The following GALNT9 variants were observed in gnomAD, a reference collection of about 807,000 sequenced individuals.
GALNT9 encodes polypeptide N-acetylgalactosaminyltransferase 9, also known as GalNAc transferase 9.
GALNT9 carries 47 observed loss-of-function variants against 63.1 expected under a neutral mutation model. The ratio of observed to expected loss-of-function variants is 0.75; its 90% CI spans 0.59 to 0.95. The LOEUF (loss-of-function observed/expected upper bound fraction) is 0.95. GALNT9 is among the 40% of genes least tolerant of loss of function. The probability of loss-of-function intolerance (pLI) is 0.00; values close to 1 mark genes in which losing one functional copy is unlikely to be tolerated. For synonymous variants in GALNT9, 396 were observed against 365.7 expected (o/e 1.08, Z -0.94); for missense variants, 829 against 874.8 (o/e 0.95, Z 0.66).
Position 132,210,033 on chromosome 12 carries a change from C to A in GALNT9, c.1078-6343G>T, listed in dbSNP as rs73166851. On this transcript the variant is annotated intron_variant, in intron 6 of 10. Transcript: ENST00000328957. ...CTCTCTTGGGGTCTGGATGGGGACCCCTTTCTGGTCACACGAGGAAGACAC... is the reference window on the plus strand; with the variant it reads ...CTCTCTTGGGGTCTGGATGGGGACCACTTTCTGGTCACACGAGGAAGACAC... Among the ~76,000 whole-genome samples, 385 of 152,298 alleles carry A rather than the reference C, an allele frequency of 2.5e-3. 2 individuals are homozygous for A. The highest frequency in any genetic ancestry group is 8.8e-3 in the African/African-American group (364 of 41,556).
intron 1 of GALNT9, among the ~76,000 whole-genome samples, chr12:132,299,916 G>A (rs1426599828): frequency 7.2e-6 from 1 of 138,772 alleles, no homozygotes; most frequent in African/African-American, 2.7e-5. Context: ...CCATCCCTGA[G>A]ATAACCAAGC....
At chr12:132,268,097 A>G (rs908082662) in intron 2 of GALNT9, among the ~76,000 whole-genome samples, 4 of 144,214 alleles carry the variant, frequency 2.8e-5, no homozygotes, top group African/African-American at 1.2e-4. Flanking sequence ...ACAAACCCAC[A>G]CGCGCACTCA....
At chr12:132,300,365 A>T (rs1285258380) in intron 1 of GALNT9, among the ~76,000 whole-genome samples, 1,716 of 126,548 alleles carry the variant, frequency 0.014, 78 homozygotes, top group African/African-American at 0.054. Context: ...CCCATCCCTG[A>T]GATGACCAAG....
chr12:132,305,123 A>G (rs1395696364), intron 1 of GALNT9, among the ~76,000 whole-genome samples: 4 of 67,250 alleles, frequency 5.9e-5, no homozygotes, highest in Non-Finnish European at 1.0e-4. Flanking sequence ...ACACGCCCTC[A>G]CCCGGGCACA....
At position 132,203,609 on chromosome 12, in the gene GALNT9, T is replaced by G. The variant is rs372708251; in HGVS notation, c.1159A>C (p.Asn387His). The G allele has an allele frequency of 6.2e-7, 1 of 1,613,698 alleles. No homozygotes were observed. The highest frequency in any genetic ancestry group is 1.7e-5 in the Admixed American group (1 of 60,002). Residue 387 changes from asparagine (N) to histidine (H), a missense_variant, in exon 7 of 11, where the codon AAC becomes CAC. By Grantham distance (68) the Asn-to-His change is moderately conservative. Coordinates refer to ENST00000328957, the MANE Select transcript of GALNT9 (RefSeq NM_001122636.2). ...HIERTRKPYN[N>H]DIDYYAKRNA... ...CGCTTGGCATAGTAGTCAATGTCGT[T>G]GTTGTAGGGCTTCCTGGTGCGCTCG...
chr12:132,239,783 G>C (rs1878173045), intron 6 of GALNT9, among the ~76,000 whole-genome samples: 1 of 152,090 alleles, frequency 6.6e-6, no homozygotes, highest in Non-Finnish European at 1.5e-5. Context: ...GAGACTGGGA[G>C]GCAGAGACAG....
At position 132,197,309 on chromosome 12, in the gene GALNT9, C is replaced by T. The variant is rs1301020849; in HGVS notation, c.1666-56G>A. On this transcript the variant is annotated intron_variant, in intron 10 of 10. Coordinates refer to ENST00000328957, the MANE Select transcript of GALNT9 (RefSeq NM_001122636.2). Reference sequence around the variant, plus strand: ...GTGCAGGCGTCCTTGTTCCCCCTCCCCCCACCTCAGGGAGGCTGCTTCGTG... The same window carrying T: ...GTGCAGGCGTCCTTGTTCCCCCTCCTCCCACCTCAGGGAGGCTGCTTCGTG... 2.5e-6 allele frequency: 4 copies of T among 1,591,900 alleles called. No homozygotes were observed. The African/African-American group carries it at 4.0e-5, about 16-fold the overall frequency.
intron 2 of GALNT9, among the ~76,000 whole-genome samples, chr12:132,263,121 A>T (rs560391034): frequency 6.6e-6 from 1 of 152,068 alleles, no homozygotes; most frequent in Non-Finnish European, 1.5e-5. Context: ...GCTGCTGGGC[A>T]CAGCCGAGGA....
Position 132,257,669 on chromosome 12 carries a change from C to A in GALNT9, c.959+20G>T. On this transcript the variant is annotated intron_variant, in intron 5 of 10. Transcript: ENST00000328957. ...CCTTGCCGGGCAGGGCCGCCCTCGACCCCTGAGGGCGCAGCTCACCTGATG... is the reference window on the plus strand; with the variant it reads ...CCTTGCCGGGCAGGGCCGCCCTCGAACCCTGAGGGCGCAGCTCACCTGATG... 6.5e-7 allele frequency: 1 copy of A among 1,533,314 alleles called. No homozygotes were observed. Among genetic ancestry groups the A allele is most frequent in the African/African-American group, 1.4e-5 (1 of 72,824 alleles). The allele number at this position is 1,533,314 out of a possible 1,614,324, so 95.0% of individuals were successfully genotyped here. A position where few individuals can be genotyped will look rare whatever the true frequency, so the allele number is the denominator to read the frequency against.
chr12:132,197,248 G>A lies in GALNT9; in HGVS notation c.1671C>T (p.Gly557=), dbSNP rs766921104. Reference sequence around the variant, plus strand: ...GGCCCGTGGCCCGGCTCACAATGGGGCCACTCTGTGGGGACAGGCACATCA... The same window carrying A: ...GGCCCGTGGCCCGGCTCACAATGGGACCACTCTGTGGGGACAGGCACATCA... ...TQRLWDFTQS[G]PIVSRATGRC... is the part of the protein sequence containing the mutation. The change falls in exon 11 of 11, where the codon GGC becomes GGT. Residue 557 remains glycine (G), a synonymous_variant. Transcript: ENST00000328957. The A allele has an allele frequency of 1.2e-5, 19 of 1,611,708 alleles. No homozygotes were observed. The highest frequency in any genetic ancestry group is 1.5e-5 in the Non-Finnish European group (18 of 1,179,820).
At chr12:132,292,874 G>A (rs145449605) in intron 1 of GALNT9, among the ~76,000 whole-genome samples, 25 of 152,326 alleles carry the variant, frequency 1.6e-4, no homozygotes, top group Non-Finnish European at 2.8e-4. Context: ...TGCGGAGGAC[G>A]CCGCCTCGCA....
At chr12:132,278,388 C>G (rs1028958260) in intron 2 of GALNT9, 45 of 152,404 alleles carry the variant, frequency 3.0e-4, no homozygotes, top group African/African-American at 9.1e-4. Context: ...CAGGAGGCCC[C>G]TAACCCGATG....
intron 6 of GALNT9, among the ~76,000 whole-genome samples, chr12:132,204,041 C>T (rs367687226): frequency 6.6e-6 from 1 of 152,064 alleles, no homozygotes; most frequent in Non-Finnish European, 1.5e-5. Context: ...AACCCCCCGC[C>T]CCACTGCACC....
At position 132,286,147 on chromosome 12, in the gene GALNT9, C is replaced by T; in HGVS notation, c.419+103G>A. On this transcript the variant is annotated intron_variant, in intron 2 of 10. Coordinates refer to ENST00000328957, the MANE Select transcript of GALNT9 (RefSeq NM_001122636.2). This position sits in a 1 kb window ranked among gnomAD's most constrained non-coding sequence, Gnocchi z 7.4. ...TTCCCTGGCGGGCGTGGGGGCCGCTCACTTCCCCGGCCGGCGTGGGGGGCA... is the reference window on the plus strand; with the variant it reads ...TTCCCTGGCGGGCGTGGGGGCCGCTTACTTCCCCGGCCGGCGTGGGGGGCA... 1 of 1,336,894 alleles carries T rather than the reference C, an allele frequency of 7.5e-7. No homozygotes were observed. The highest frequency in any genetic ancestry group is 2.9e-5 in the East Asian group (1 of 34,170). The allele number at this position is 1,336,894 out of a possible 1,614,324, so 82.8% of individuals were successfully genotyped here.
intron 10 of GALNT9, 127 bp downstream of exon 10, chr12:132,197,664 TC>T: frequency 1.4e-6 from 1 of 724,432 alleles, no homozygotes; most frequent in South Asian, 1.7e-5. Context: ...CAAGGCCCGG[TC>T]CCCTGACCAC....
At chr12:132,249,266 C>T (rs781926981) in intron 5 of GALNT9, among the ~76,000 whole-genome samples, 9 of 152,252 alleles carry the variant, frequency 5.9e-5, no homozygotes, top group Non-Finnish European at 1.0e-4. Context: ...CCAGATGCCA[C>T]GGCAGGCCGC....
rs906114087 is a variant in GALNT9 at position 132,196,946 on chromosome 12, C to A, written c.*161G>T. ...TGTACTCCAGATGCAGTGGGTGACA[C>A]CCTGGTCACTCAGCCACACCCCGGC... On this transcript the variant is annotated 3_prime_UTR_variant, in exon 11 of 11. Transcript: ENST00000328957. The A allele has an allele frequency of 1.4e-6, 2 of 1,466,910 alleles. No individual in the cohort carries two copies. The highest frequency in any genetic ancestry group is 2.4e-5 in the East Asian group (1 of 41,012). 90.9% of individuals were successfully genotyped at this position (1,466,910 alleles called of 1,614,324 possible). A position where few individuals can be genotyped will look rare whatever the true frequency, so the allele number is the denominator to read the frequency against.
intron 6 of GALNT9, among the ~76,000 whole-genome samples, chr12:132,204,545 C>T (rs940381242): frequency 5.9e-5 from 9 of 152,188 alleles, no homozygotes; most frequent in African/African-American, 1.9e-4. Context: ...CCTCCCCTGC[C>T]TTCAGGCTTG....
rs1470371534 is a variant in GALNT9 at position 132,319,401 on chromosome 12, C to T, written c.238+9565G>A. ...TGGACATCGGGTGGAGCTGCCAGGT[C>T]TCGGGCCTTTGGAGTAGAAGTTATG... On this transcript the variant is annotated intron_variant, in intron 1 of 10. Coordinates refer to ENST00000328957, the MANE Select transcript of GALNT9 (RefSeq NM_001122636.2). This position sits in a 1 kb window ranked among gnomAD's most constrained non-coding sequence, Gnocchi z 5.2. Among the ~76,000 whole-genome samples the T allele has an allele frequency of 6.6e-6, 1 of 152,160 alleles. No individual in the cohort carries two copies. The highest frequency in any genetic ancestry group is 1.5e-5 in the Non-Finnish European group (1 of 68,026).
Sources: gnomAD v4.1 joint callset for allele counts (sites outside exome capture counted in the v4.1 genomes callset) on GRCh38, gnomAD v4.1.1 for gene constraint, Gnocchi (gnomAD v3.1) non-coding constraint, MANE v1.5 for transcripts, NCBI Gene and HGNC (gene_info 2026-07-23, HGNC 2026-07-21) for gene names.